The following FANCM variants were observed in gnomAD, a reference collection of about 807,000 sequenced individuals.
The protein encoded by FANCM is FA complementation group M, also known as Fanconi anemia group M protein.
A neutral mutation model predicts 199.5 loss-of-function variants in FANCM; 140 were observed. The ratio of observed to expected loss-of-function variants is 0.70; its 90% CI spans 0.61 to 0.81. The LOEUF (loss-of-function observed/expected upper bound fraction) is 0.81, where lower values mean the gene tolerates loss of function less well. Among genes scored for constraint, FANCM ranks in the 30% least tolerant of loss-of-function variants. FANCM has a pLI of 0.00. For missense variants in FANCM, 2,410 were observed against 2,421.4 expected (o/e 1.00, Z 0.10); for synonymous variants, 840 against 836.8 (o/e 1.00, Z -0.07).
At chr14:45,177,994 T>A (rs1888822872) in intron 14 of FANCM, among the ~76,000 whole-genome samples, 1 of 152,228 alleles carries the variant, frequency 6.6e-6, no homozygotes, top group Non-Finnish European at 1.5e-5. Flanking sequence ...GATAGATGTT[T>A]GATATGAAGT....
At chr14:45,189,619 G>A (rs1391639869) in intron 20 of FANCM, among the ~76,000 whole-genome samples, 2 of 152,112 alleles carry the variant, frequency 1.3e-5, no homozygotes, top group African/African-American at 4.8e-5. Flanking sequence ...TTATTAAAAG[G>A]TTGTGGGAAA....
In FANCM at chr14:45,176,739, T is replaced by G. The variant is rs774931536; in HGVS notation, c.3985T>G (p.Ser1329Ala). Reference sequence around the variant, plus strand: ...GTTATCTCCTGGTTATTCTCAGTTTTCTTTACCAGTGCAAAAAAAAGTTAT... The same window carrying G: ...GTTATCTCCTGGTTATTCTCAGTTTGCTTTACCAGTGCAAAAAAAAGTTAT... The part of the protein sequence containing the change: ...ELLSPGYSQF[S>A]LPVQKKVMST... The change falls in exon 14 of 23, where the codon TCT (serine) becomes GCT (alanine). Residue 1329 changes from serine (S) to alanine (A), a missense_variant. By Grantham distance (99) the Ser-to-Ala change is moderately conservative (BLOSUM62 1). Transcript: ENST00000267430. 1 of 1,613,154 alleles carries G rather than the reference T, an allele frequency of 6.2e-7. No homozygotes were observed. Among genetic ancestry groups the G allele is most frequent in the East Asian group, 2.2e-5 (1 of 44,750 alleles).
In FANCM at chr14:45,137,027, C is replaced by T. The variant is rs763793953; in HGVS notation, c.509-42C>T. 6.4e-6 allele frequency: 9 copies of T among 1,415,704 alleles called. No homozygotes were observed. The South Asian group carries it at 9.2e-5, about 14-fold the overall frequency. The allele number at this position is 1,415,704 out of a possible 1,614,324, so 87.7% of individuals were successfully genotyped here. A position where few individuals can be genotyped will look rare whatever the true frequency, so the allele number is the denominator to read the frequency against. On this transcript the variant is annotated intron_variant, in intron 1 of 22. Transcript: ENST00000267430. ...CAGACTATTTATATTTTATAGATAA[C>T]AGTCTGAAGTTTAGAATGTAGAATG...
At chr14:45,177,721 T>C (rs1243124580) in intron 14 of FANCM, among the ~76,000 whole-genome samples, 2 of 151,548 alleles carry the variant, frequency 1.3e-5, no homozygotes, top group Non-Finnish European at 2.9e-5. Context: ...AGATTTTCAT[T>C]TGGGTTCCTT....
rs141109534 is a variant in FANCM at position 45,164,559 on chromosome 14, G to T, written c.1782G>T (p.Glu594Asp). 1.9e-6 allele frequency: 3 copies of T among 1,609,932 alleles called. No homozygotes were observed. The highest frequency in any genetic ancestry group is 1.1e-5 in the South Asian group (1 of 90,732). ...RIVIILSEGR[E>D]ERIYNQSQSN... ...TTATTATCCTTTCTGAAGGACGAGA[G>T]GAACGTGTAAGTAGAGCTGCAGAAA... is the stretch of plus-strand genomic sequence containing the variant. The change falls in exon 10 of 23, where the codon GAG becomes GAT. Residue 594 changes from glutamate (E) to aspartate (D), a missense_variant. By Grantham distance (45) the Glu-to-Asp change is conservative. Coordinates refer to ENST00000267430, the MANE Select transcript of FANCM (RefSeq NM_020937.4).
At chr14:45,167,531 T>C (rs1257182071) in intron 11 of FANCM, 1 of 205,756 alleles carries the variant, frequency 4.9e-6, no homozygotes, top group African/African-American at 2.4e-5. Context: ...ATTCCCTATA[T>C]GTATCCCCAA....
intron 11 of FANCM, among the ~76,000 whole-genome samples, chr14:45,168,059 T>C (rs2139218182): frequency 6.6e-6 from 1 of 152,330 alleles, no homozygotes; most frequent in Non-Finnish European, 1.5e-5. Flanking sequence ...TTTTCATCTT[T>C]GGTTTACCTT....
intron 2 of FANCM, among the ~76,000 whole-genome samples, chr14:45,138,553 A>G (rs1401750073): frequency 6.6e-6 from 1 of 152,194 alleles, no homozygotes; most frequent in Non-Finnish European, 1.5e-5. Context: ...TTTTAGCTTG[A>G]GGCCAGGAGT....
chr14:45,139,844 GTATGCTGGC>G (rs1885782937), intron 2 of FANCM, among the ~76,000 whole-genome samples: 1 of 152,000 alleles, frequency 6.6e-6, no homozygotes, highest in Non-Finnish European at 1.5e-5. Context: ...TACATTACAG[GTATGCTGGC>G]GCATACCTGT....
intron 3 of FANCM, among the ~76,000 whole-genome samples, chr14:45,148,200 A>AAAAC (rs376352737): frequency 1.4e-5 from 2 of 142,354 alleles, no homozygotes; most frequent in African/African-American, 5.2e-5. Flanking sequence ...CCGTCTCAAA[A>AAAAC]ACACACACAC....
intron 16 of FANCM, among the ~76,000 whole-genome samples, chr14:45,182,987 T>G (rs1229285397): frequency 2.0e-5 from 3 of 152,208 alleles, no homozygotes; most frequent in Non-Finnish European, 2.9e-5. Flanking sequence ...TATGGGCACT[T>G]GAAATTTGGT....
At chr14:45,186,656 T>C (rs868318262) in intron 18 of FANCM, among the ~76,000 whole-genome samples, 2 of 152,228 alleles carry the variant, frequency 1.3e-5, no homozygotes, top group Admixed American at 6.5e-5. Context: ...ATGTCCTTGA[T>C]GTTCATTAAC....
intron 14 of FANCM, among the ~76,000 whole-genome samples, chr14:45,180,238 T>A (rs1230224912): frequency 6.6e-6 from 1 of 152,188 alleles, no homozygotes; most frequent in Non-Finnish European, 1.5e-5. Context: ...AAATGTGGCT[T>A]AGCTGAGTGG....
At chr14:45,137,365 C>A in intron 2 of FANCM, 124 bp downstream of exon 2, 1 of 746,890 alleles carries the variant, frequency 1.3e-6, no homozygotes, top group Non-Finnish European at 2.3e-6. Flanking sequence ...CGTCTATTAT[C>A]TCAGAACAGA....
At chr14:45,142,402 G>A (rs765677307) in intron 3 of FANCM, among the ~76,000 whole-genome samples, 1 of 151,534 alleles carries the variant, frequency 6.6e-6, no homozygotes, top group Non-Finnish European at 1.5e-5. Context: ...CACCTCCCAG[G>A]TTCAAGCTAT....
At chr14:45,180,188 A>T (rs944264859) in intron 14 of FANCM, among the ~76,000 whole-genome samples, 4 of 152,226 alleles carry the variant, frequency 2.6e-5, no homozygotes, top group African/African-American at 9.6e-5. Context: ...GTAAAATAAC[A>T]GACCCTTGTT....
chr14:45,176,663 G>A lies in FANCM; in HGVS notation c.3909G>A (p.Gln1303=), dbSNP rs1594799961. The A allele has an allele frequency of 1.2e-6, 2 of 1,613,738 alleles. No homozygotes were observed. The highest frequency in any genetic ancestry group is 1.7e-6 in the Non-Finnish European group (2 of 1,179,842). The change falls in exon 14 of 23, where the codon CAG becomes CAA. Residue 1303 remains glutamine (Q), a synonymous_variant. Coordinates refer to ENST00000267430, the MANE Select transcript of FANCM (RefSeq NM_020937.4). ...TTATCCCATCAAATGAAGATATGCA[G>A]AATCCAAATTATGTACATTTGCCAC... ...TVIIPSNEDM[Q]NPNYVHLPLS...
Position 45,176,848 on chromosome 14 carries a change from A to G in FANCM, c.4094A>G (p.Lys1365Arg). The stretch of plus-strand genomic sequence containing the variant: ...ATACTTAAGACACCAGATTCTAGTA[A>G]GGAAAAAGTAAACCTACAAAGATTC... ...KEILKTPDSS[K>R]EKVNLQRFKE... The change falls in exon 14 of 23, where the codon AAG becomes AGG. Residue 1365 changes from lysine (K) to arginine (R), a missense_variant. Coordinates refer to ENST00000267430, the MANE Select transcript of FANCM (RefSeq NM_020937.4). 1 of 1,606,418 alleles carries G rather than the reference A, an allele frequency of 6.2e-7. No homozygotes were observed. Among genetic ancestry groups the G allele is most frequent in the Non-Finnish European group, 8.5e-7 (1 of 1,175,434 alleles).
chr14:45,196,350 T>C lies in FANCM; in HGVS notation c.5519T>C (p.Ile1840Thr). The change falls in exon 21 of 23, where the codon ATT becomes ACT. Residue 1840 changes from isoleucine to threonine, a missense_variant. By Grantham distance (89) the Ile-to-Thr change is moderately conservative. Transcript: ENST00000267430. ...GAAGTAATTTCTTCCCTAAGAGCAA[T>C]TCATGGGTTGCAAGTAGAAGTTTGT... ...GLEVISSLRA[I>T]HGLQVEVCPL... 1 of 1,614,086 alleles carries C rather than the reference T, an allele frequency of 6.2e-7. No individual in the cohort carries two copies. The highest frequency in any genetic ancestry group is 8.5e-7 in the Non-Finnish European group (1 of 1,179,974).
Sources: gnomAD v4.1 joint callset for allele counts (sites outside exome capture counted in the v4.1 genomes callset) on GRCh38, gnomAD v4.1.1 for gene constraint, MANE v1.5 for transcripts, NCBI Gene and HGNC (gene_info 2026-07-23, HGNC 2026-07-21) for gene names.